Variants in PDE4D observed in about 807,000 individuals in gnomAD.
The protein encoded by PDE4D is 3',5'-cyclic-AMP phosphodiesterase 4D.
PDE4D carries 24 observed loss-of-function variants against 87.4 expected under a neutral mutation model. The observed-to-expected ratio is 0.27, with a 90% CI of 0.20 to 0.39. PDE4D has a LOEUF of 0.39. PDE4D is among the 10% of genes least tolerant of loss of function. PDE4D has a pLI of 1.00. For missense variants in PDE4D, 714 were observed against 1,041.0 expected (o/e 0.69, Z 4.32); for synonymous variants, 384 against 383.2 (o/e 1.00, Z -0.02).
At chr5:60,013,677 C>T (rs1157269828) in intron 2 of PDE4D, among the ~76,000 whole-genome samples, 1 of 152,152 alleles carries the variant, frequency 6.6e-6, no homozygotes, top group East Asian at 1.9e-4. Context: ...ATATGGGTGA[C>T]CCATAATAAA....
At chr5:59,820,179 C>T (rs1769469144) in intron 1 of PDE4D, among the ~76,000 whole-genome samples, 1 of 152,128 alleles carries the variant, frequency 6.6e-6, no homozygotes, top group Admixed American at 6.6e-5. Flanking sequence ...TTTTTCTTGC[C>T]TCTCCCATTT....
At chr5:59,835,708 A>G (rs746899517) in intron 1 of PDE4D, among the ~76,000 whole-genome samples, 6 of 152,224 alleles carry the variant, frequency 3.9e-5, no homozygotes, top group Non-Finnish European at 5.9e-5. Flanking sequence ...GTAGGTGCCC[A>G]CAGAGGCAAG....
chr5:59,199,594 A>T (rs1375922808), intron 2 of PDE4D, among the ~76,000 whole-genome samples: 1 of 152,110 alleles, frequency 6.6e-6, no homozygotes, highest in African/African-American at 2.4e-5. Context: ...CAGCCTAAAA[A>T]CTATCATCCA....
intron 1 of PDE4D, among the ~76,000 whole-genome samples, chr5:59,685,651 C>T (rs1300951659): frequency 1.3e-5 from 2 of 152,210 alleles, no homozygotes; most frequent in East Asian, 3.9e-4. Context: ...AACTACTCTG[C>T]CTTCTATTGA....
intron 1 of PDE4D, among the ~76,000 whole-genome samples, chr5:59,633,516 C>T (rs1831840882): frequency 1.3e-5 from 2 of 152,150 alleles, no homozygotes; most frequent in African/African-American, 4.8e-5. Flanking sequence ...CAAAGGGAAG[C>T]CCATCAGACT....
rs142201839 is a variant in PDE4D, at chr5:59,479,453, C to T, written c.456-263485G>A. Among the ~76,000 whole-genome samples the T allele has an allele frequency of 3.9e-5, 6 of 152,102 alleles. No homozygotes were observed. In the East Asian group the frequency reaches 7.7e-4, roughly 20 times the overall value. On this transcript the variant is annotated intron_variant, in intron 1 of 14. Coordinates refer to ENST00000340635, the MANE Select transcript of PDE4D (RefSeq NM_001104631.2). ...CAGAAGAAAGAAAGGTGAAATCATA[C>T]GTATTTTCTATTTTTTAATCCTTCC...
chr5:59,056,025 A>T (rs1762291881), intron 5 of PDE4D, among the ~76,000 whole-genome samples: 1 of 152,224 alleles, frequency 6.6e-6, no homozygotes, highest in Non-Finnish European at 1.5e-5. Context: ...GTGCTGTGGT[A>T]GAGGCATGCA....
At chr5:60,127,678 C>G in intron 2 of PDE4D, 1 of 591,296 alleles carries the variant, frequency 1.7e-6, no homozygotes, top group Admixed American at 2.8e-5. Context: ...TCGCAGTAAG[C>G]AGGCTGTGAG....
intron 1 of PDE4D, among the ~76,000 whole-genome samples, chr5:59,542,224 A>G (rs1027572114): frequency 6.6e-6 from 1 of 152,002 alleles, no homozygotes; most frequent in African/African-American, 2.4e-5. Context: ...CTAAAATCCT[A>G]CTGAATCCCT....
At chr5:59,638,081 T>C (rs1199725284) in intron 1 of PDE4D, among the ~76,000 whole-genome samples, 1 of 152,126 alleles carries the variant, frequency 6.6e-6, no homozygotes, top group Non-Finnish European at 1.5e-5. Flanking sequence ...TATTTCATAA[T>C]AAAACAAAGA....
chr5:59,538,142 C>T (rs1350495102), intron 1 of PDE4D, among the ~76,000 whole-genome samples: 1 of 152,158 alleles, frequency 6.6e-6, no homozygotes, highest in Non-Finnish European at 1.5e-5. Context: ...AAAAATTCTG[C>T]AATGCTAAAA....
chr5:59,883,976 C>A (rs142399766), intron 1 of PDE4D, among the ~76,000 whole-genome samples: 29 of 151,684 alleles, frequency 1.9e-4, no homozygotes, highest in Non-Finnish European at 3.7e-4. Context: ...ATATATTAAA[C>A]GAAATAAGTT....
intron 2 of PDE4D, among the ~76,000 whole-genome samples, chr5:60,141,932 T>C (rs1438128030): frequency 6.6e-6 from 1 of 152,136 alleles, no homozygotes; most frequent in East Asian, 1.9e-4. Flanking sequence ...CCTAAAAATA[T>C]AGGATAATTT....
intron 1 of PDE4D, among the ~76,000 whole-genome samples, chr5:59,286,544 C>G (rs935432959): frequency 2.0e-5 from 3 of 152,172 alleles, no homozygotes; most frequent in Non-Finnish European, 4.4e-5. Context: ...ACTTATTACT[C>G]TGGACATGGT....
chr5:59,528,974 C>T, intron 1 of PDE4D: 1 of 453,024 alleles, frequency 2.2e-6, no homozygotes, highest in South Asian at 1.6e-5. Context: ...GAACGGTTGG[C>T]CATAAGAGCC....
upstream of PDE4D, among the ~76,000 whole-genome samples, chr5:59,895,146 C>A (rs1369618609): frequency 6.6e-6 from 1 of 152,166 alleles, no homozygotes; most frequent in Non-Finnish European, 1.5e-5. Context: ...GTACCAGAAT[C>A]AGGAACCATG....
intron 1 of PDE4D, among the ~76,000 whole-genome samples, chr5:59,612,968 G>A (rs1829196047): frequency 1.3e-5 from 2 of 152,074 alleles, no homozygotes; most frequent in Admixed American, 1.3e-4. Context: ...TTCATTTTGA[G>A]GAAAATCAGA....
intron 1 of PDE4D, among the ~76,000 whole-genome samples, chr5:59,775,242 G>A (rs574594803): frequency 6.6e-6 from 1 of 151,866 alleles, no homozygotes; most frequent in Non-Finnish European, 1.5e-5. Context: ...TATATTTCTG[G>A]GTTTTATTTC....
At chr5:59,967,797 A>G (rs962939461) in intron 3 of PDE4D, among the ~76,000 whole-genome samples, 7 of 152,128 alleles carry the variant, frequency 4.6e-5, no homozygotes, top group African/African-American at 1.4e-4. Flanking sequence ...ACATGCACTC[A>G]TATGCTCATC....
Sources: gnomAD v4.1 joint callset for allele counts (sites outside exome capture counted in the v4.1 genomes callset) on GRCh38, gnomAD v4.1.1 for gene constraint, MANE v1.5 for transcripts, NCBI Gene and HGNC (gene_info 2026-07-23, HGNC 2026-07-21) for gene names.